The following LDLRAD4 variants were observed in gnomAD, a reference collection of about 807,000 sequenced individuals.
LDLRAD4 encodes the protein low density lipoprotein receptor class A domain containing 4.
A neutral mutation model predicts 17.0 loss-of-function variants in LDLRAD4; 5 were observed. The observed-to-expected ratio is 0.29, with a 90% CI of 0.15 to 0.62. The LOEUF (loss-of-function observed/expected upper bound fraction) is 0.62, where lower values mean the gene tolerates loss of function less well. Ranked by LOEUF, LDLRAD4 falls within the 20% of genes least tolerant of loss-of-function variation. The pLI, the probability that LDLRAD4 is intolerant of heterozygous loss-of-function variation, is 0.84. For synonymous variants in LDLRAD4, 168 were observed against 171.8 expected (o/e 0.98, Z 0.17); for missense variants, 340 against 424.7 (o/e 0.80, Z 1.75).
chr18:13,530,807 G>A (rs2094115271), intron 3 of LDLRAD4, among the ~76,000 whole-genome samples: 1 of 151,936 alleles, frequency 6.6e-6, no homozygotes, highest in South Asian at 2.1e-4. Context: ...CCAGGAGGAA[G>A]GGGATGGGGG....
chr18:13,404,955 A>C (rs1329941926), intron 2 of LDLRAD4, among the ~76,000 whole-genome samples: 1 of 152,056 alleles, frequency 6.6e-6, no homozygotes, highest in Non-Finnish European at 1.5e-5. Context: ...AGGAAAGAAA[A>C]AAGCAGTGTG....
At chr18:13,588,719 G>T (rs1016224495) in intron 3 of LDLRAD4, among the ~76,000 whole-genome samples, 2 of 151,924 alleles carry the variant, frequency 1.3e-5, no homozygotes, top group Admixed American at 1.3e-4. Context: ...GGATTGAATT[G>T]TTCTTGTGCT....
chr18:13,467,607 A>G (rs766342759), intron 3 of LDLRAD4, among the ~76,000 whole-genome samples: 1 of 152,246 alleles, frequency 6.6e-6, no homozygotes, highest in Non-Finnish European at 1.5e-5. Context: ...ATCCCTATCA[A>G]AATTCTAACA....
chr18:13,269,365 T>C (rs1456316662), intron 1 of LDLRAD4, among the ~76,000 whole-genome samples: 1 of 152,202 alleles, frequency 6.6e-6, no homozygotes, highest in Non-Finnish European at 1.5e-5. Context: ...AACTTGGTAA[T>C]TTTTTAAAAC....
At chr18:13,335,774 A>C (rs577883432) in intron 1 of LDLRAD4, among the ~76,000 whole-genome samples, 1 of 152,318 alleles carries the variant, frequency 6.6e-6, no homozygotes, top group East Asian at 1.9e-4. Flanking sequence ...AGTATCTTGA[A>C]GCAGTAACAT....
At chr18:13,493,023 G>T (rs565757502) in intron 3 of LDLRAD4, among the ~76,000 whole-genome samples, 1 of 152,086 alleles carries the variant, frequency 6.6e-6, no homozygotes, top group East Asian at 1.9e-4. Context: ...GGAGGCTGAG[G>T]CAGGAGGATC....
intron 3 of LDLRAD4, among the ~76,000 whole-genome samples, chr18:13,558,447 G>T (rs2094506714): frequency 6.6e-6 from 1 of 152,210 alleles, no homozygotes; most frequent in Non-Finnish European, 1.5e-5. Context: ...CATTGTTCTA[G>T]ACCCACCTGG....
chr18:13,509,043 C>G (rs907607582), intron 3 of LDLRAD4, among the ~76,000 whole-genome samples: 2 of 152,196 alleles, frequency 1.3e-5, no homozygotes, highest in African/African-American at 4.8e-5. Flanking sequence ...TGGCTCATGC[C>G]TGTAATTCCA....
At chr18:13,475,774 A>G (rs2092924225) in intron 3 of LDLRAD4, among the ~76,000 whole-genome samples, 2 of 152,198 alleles carry the variant, frequency 1.3e-5, no homozygotes, top group South Asian at 4.1e-4. Context: ...ACTCCATGCT[A>G]AACTGTGTGG....
At chr18:13,308,526 C>T (rs1458422104) in intron 1 of LDLRAD4, among the ~76,000 whole-genome samples, 2 of 152,188 alleles carry the variant, frequency 1.3e-5, no homozygotes, top group East Asian at 1.9e-4. Context: ...TACTCTGAGG[C>T]GCGATTGTGT....
At chr18:13,424,353 TGTGTGGAC>T (rs1382758838) in intron 2 of LDLRAD4, among the ~76,000 whole-genome samples, 1 of 152,166 alleles carries the variant, frequency 6.6e-6, no homozygotes, top group Non-Finnish European at 1.5e-5. Context: ...CTTGTGTGTC[TGTGTGGAC>T]GTCTGTGACA....
intron 3 of LDLRAD4, among the ~76,000 whole-genome samples, chr18:13,539,491 C>T (rs948702260): frequency 2.0e-5 from 3 of 152,244 alleles, no homozygotes; most frequent in Non-Finnish European, 4.4e-5. Context: ...GTATCCTTCA[C>T]TACAGAAAGC....
At position 13,367,865 on chromosome 18, in the gene LDLRAD4, G is replaced by A. The variant is rs868456359; in HGVS notation, c.-382-19476G>A. On this transcript the variant is annotated intron_variant, in intron 1 of 5. Coordinates refer to ENST00000359446, the Ensembl canonical transcript of LDLRAD4. This position sits in a 1 kb window ranked among gnomAD's most constrained non-coding sequence, Gnocchi z 4.1. ...GGGGTGTGCTATCAAGGGGTGTATCGAGAGGGGACGACTGGGCATGGGGGC... is the reference window on the plus strand; with the variant it reads ...GGGGTGTGCTATCAAGGGGTGTATCAAGAGGGGACGACTGGGCATGGGGGC... 1.3e-5 allele frequency among the ~76,000 whole-genome samples: 2 copies of A among 151,860 alleles called. No homozygotes were observed. Among genetic ancestry groups the A allele is most frequent in the Admixed American group, 1.3e-4 (2 of 15,236 alleles).
At chr18:13,618,129 T>C (rs1222566500) in intron 3 of LDLRAD4, among the ~76,000 whole-genome samples, 2 of 151,202 alleles carry the variant, frequency 1.3e-5, no homozygotes, top group East Asian at 3.8e-4. Context: ...ATGTTTGTAC[T>C]CTGTAACAGA....
chr18:13,547,362 T>C (rs1601288248), intron 3 of LDLRAD4, among the ~76,000 whole-genome samples: 1 of 152,220 alleles, frequency 6.6e-6, no homozygotes, highest in African/African-American at 2.4e-5. Context: ...GATCCACCAG[T>C]GTCTAACTTT....
At chr18:13,406,103 C>A (rs1217432262) in intron 2 of LDLRAD4, among the ~76,000 whole-genome samples, 1 of 152,212 alleles carries the variant, frequency 6.6e-6, no homozygotes, top group Non-Finnish European at 1.5e-5. Context: ...GTGCTGGGCA[C>A]CCATGCTGGC....
At chr18:13,365,680 T>A (rs1333780926) in intron 1 of LDLRAD4, among the ~76,000 whole-genome samples, 3 of 152,242 alleles carry the variant, frequency 2.0e-5, no homozygotes, top group Non-Finnish European at 2.9e-5. Context: ...AGGATGTGAT[T>A]TCACTCAAGG....
intron 3 of LDLRAD4, among the ~76,000 whole-genome samples, chr18:13,474,552 C>T (rs760715503): frequency 6.6e-6 from 1 of 152,176 alleles, no homozygotes; most frequent in Non-Finnish European, 1.5e-5. Flanking sequence ...GTGAGGACTT[C>T]GGGGCCAGGT....
At chr18:13,288,613 A>T (rs2045773840) in intron 1 of LDLRAD4, among the ~76,000 whole-genome samples, 2 of 151,754 alleles carry the variant, frequency 1.3e-5, no homozygotes, top group African/African-American at 4.8e-5. Context: ...GGGCCACAGT[A>T]GCAGCCCCGC....
Sources: allele counts gnomAD v4.1 joint callset (sites outside exome capture counted in the v4.1 genomes callset), GRCh38; gene constraint gnomAD v4.1.1; non-coding constraint Gnocchi (gnomAD v3.1); transcripts MANE v1.5; gene names NCBI Gene and HGNC (gene_info 2026-07-23, HGNC 2026-07-21).